The following KHDRBS2 variants were observed in gnomAD, a reference collection of about 807,000 sequenced individuals.
KHDRBS2 encodes the protein KH domain-containing, RNA-binding, signal transduction-associated protein 2.
A neutral mutation model predicts 44.3 loss-of-function variants in KHDRBS2; 26 were observed. The ratio of observed to expected loss-of-function variants is 0.59; its 90% CI spans 0.43 to 0.81. The LOEUF is 0.81. KHDRBS2 is among the 40% of genes least tolerant of loss of function. The probability of loss-of-function intolerance (pLI) is 0.00; values close to 1 mark genes in which losing one functional copy is unlikely to be tolerated. For synonymous variants in KHDRBS2, 194 were observed against 151.1 expected (o/e 1.28, Z -2.08); for missense variants, 476 against 433.1 (o/e 1.10, Z -0.88).
At chr6:62,001,356 G>A (rs374178309) in intron 3 of KHDRBS2, among the ~76,000 whole-genome samples, 7 of 151,030 alleles carry the variant, frequency 4.6e-5, no homozygotes, top group Admixed American at 6.6e-5. Context: ...GGTGTATGAC[G>A]TAAAATTGAA....
At chr6:61,713,932 A>G (rs571444624) in intron 7 of KHDRBS2, among the ~76,000 whole-genome samples, 3 of 152,010 alleles carry the variant, frequency 2.0e-5, no homozygotes, top group Admixed American at 6.6e-5. Flanking sequence ...ACCTGAAACT[A>G]TAAAAGCACT....
At chr6:61,818,369 A>G (rs1789328970) in intron 6 of KHDRBS2, among the ~76,000 whole-genome samples, 2 of 151,824 alleles carry the variant, frequency 1.3e-5, no homozygotes, top group Non-Finnish European at 2.9e-5. Context: ...AATTTAATAT[A>G]ATATACTAAG....
intron 4 of KHDRBS2, among the ~76,000 whole-genome samples, chr6:61,936,931 T>C (rs182789296): frequency 6.6e-6 from 1 of 152,182 alleles, no homozygotes; most frequent in Non-Finnish European, 1.5e-5. Context: ...GTATCTAATT[T>C]ATCCATCTGA....
intron 2 of KHDRBS2, among the ~76,000 whole-genome samples, chr6:62,064,627 A>T (rs928740307): frequency 6.6e-6 from 1 of 151,014 alleles, no homozygotes; most frequent in Non-Finnish European, 1.5e-5. Flanking sequence ...TACAAAAATC[A>T]ATTCAAGATG....
At chr6:62,070,805 T>C (rs183272208) in intron 2 of KHDRBS2, among the ~76,000 whole-genome samples, 2 of 152,324 alleles carry the variant, frequency 1.3e-5, no homozygotes, top group East Asian at 3.9e-4. Flanking sequence ...AACATACGTG[T>C]GCATGTGTCT....
intron 2 of KHDRBS2, among the ~76,000 whole-genome samples, chr6:62,119,828 G>T (rs1238376943): frequency 6.6e-6 from 1 of 152,150 alleles, no homozygotes; most frequent in African/African-American, 2.4e-5. Flanking sequence ...CAGTTGCCAG[G>T]CAAGATAATG....
chr6:61,617,680 G>T, the KHDRBS2 span, among the ~76,000 whole-genome samples: 38 of 152,204 alleles, frequency 2.5e-4, no homozygotes, highest in African/African-American at 9.1e-4. Context: ...GCAATAGCAT[G>T]TTCATAGCAT....
chr6:62,117,797 A>AT (rs1364462555), intron 2 of KHDRBS2, among the ~76,000 whole-genome samples: 1 of 151,270 alleles, frequency 6.6e-6, no homozygotes, highest in Non-Finnish European at 1.5e-5. Context: ...TTTTTTTGAG[A>AT]TGGAGTCTCG....
chr6:62,032,877 A>G (rs1269739119), intron 3 of KHDRBS2, among the ~76,000 whole-genome samples: 2 of 151,976 alleles, frequency 1.3e-5, no homozygotes, highest in Non-Finnish European at 2.9e-5. Flanking sequence ...ATAAGGAACC[A>G]AAGATCAATC....
intron 6 of KHDRBS2, among the ~76,000 whole-genome samples, chr6:61,846,581 AACT>A: frequency 6.6e-6 from 1 of 152,288 alleles, no homozygotes; most frequent in South Asian, 2.1e-4. Context: ...AAACTTTTAA[AACT>A]ACTACTAATA....
chr6:61,690,597 T>G (rs938852118), intron 8 of KHDRBS2, among the ~76,000 whole-genome samples: 1 of 152,060 alleles, frequency 6.6e-6, no homozygotes, highest in Non-Finnish European at 1.5e-5. Context: ...CAACACACAA[T>G]TGTTCAAAAA....
intron 6 of KHDRBS2, among the ~76,000 whole-genome samples, chr6:61,891,688 C>T (rs1801871465): frequency 6.6e-6 from 1 of 152,056 alleles, no homozygotes; most frequent in Non-Finnish European, 1.5e-5. Context: ...AGGCCTGTGA[C>T]AAAATTCAAC....
At chr6:61,819,093 T>G (rs1029299852) in intron 6 of KHDRBS2, among the ~76,000 whole-genome samples, 3 of 152,036 alleles carry the variant, frequency 2.0e-5, no homozygotes, top group African/African-American at 7.2e-5. Context: ...CTAAAAATGC[T>G]TATTTTAGCT....
intron 2 of KHDRBS2, among the ~76,000 whole-genome samples, chr6:62,120,495 G>A (rs966854652): frequency 1.5e-4 from 23 of 152,160 alleles, no homozygotes; most frequent in African/African-American, 5.6e-4. Flanking sequence ...GGATCCCGAG[G>A]TGGCAGGGAC....
At chr6:61,724,303 G>A (rs1167576562) in intron 7 of KHDRBS2, among the ~76,000 whole-genome samples, 3 of 152,008 alleles carry the variant, frequency 2.0e-5, no homozygotes, top group Admixed American at 6.6e-5. Context: ...TATCACAAGA[G>A]CTTCTTAAAA....
At chr6:61,716,504 G>C (rs1240420363) in intron 7 of KHDRBS2, among the ~76,000 whole-genome samples, 3 of 151,956 alleles carry the variant, frequency 2.0e-5, no homozygotes, top group Non-Finnish European at 4.4e-5. Flanking sequence ...GGAAAATCTA[G>C]ACTTCCAGCT....
At chr6:61,947,653 A>G (rs1197681702) in intron 4 of KHDRBS2, among the ~76,000 whole-genome samples, 1 of 152,046 alleles carries the variant, frequency 6.6e-6, no homozygotes, top group Non-Finnish European at 1.5e-5. Context: ...GGTTTTGAAA[A>G]GGGTTTTAAA....
chr6:61,861,687 G>A (rs1213574003), intron 6 of KHDRBS2, among the ~76,000 whole-genome samples: 4 of 151,192 alleles, frequency 2.6e-5, no homozygotes, highest in African/African-American at 4.9e-5. Context: ...GATTGCCTTG[G>A]CTATTCAGGC....
chr6:61,907,125 A>G (rs568586759), intron 4 of KHDRBS2, among the ~76,000 whole-genome samples: 1 of 152,184 alleles, frequency 6.6e-6, no homozygotes, highest in South Asian at 2.1e-4. Flanking sequence ...ATCTCATTGC[A>G]GTTTTGATTT....
Sources: allele counts gnomAD v4.1 joint callset (sites outside exome capture counted in the v4.1 genomes callset), GRCh38; gene constraint gnomAD v4.1.1; transcripts MANE v1.5; gene names NCBI Gene and HGNC (gene_info 2026-07-23, HGNC 2026-07-21).